CSMD1: variants seen among roughly 807,000 people sequenced by gnomAD.
CSMD1 encodes the protein CUB and sushi domain-containing protein 1.
In CSMD1, 213 loss-of-function variants were observed where a neutral mutation model predicts 417.5. That is an observed-to-expected ratio of 0.51 (90% confidence interval 0.46 to 0.57). The LOEUF (loss-of-function observed/expected upper bound fraction) is 0.57. Among genes scored for constraint, CSMD1 ranks in the 20% least tolerant of loss-of-function variants. The pLI is 0.00. For missense variants in CSMD1, 6,923 were observed against 4,529.7 expected, an observed-to-expected ratio of 1.53 and a Z score of -15.17; for synonymous variants, 2,862 against 1,736.8, an observed-to-expected ratio of 1.65 and a Z score of -16.11.
chr8:3,850,006 T>TTGGCCAC (rs1563143285), intron 5 of CSMD1, among the ~76,000 whole-genome samples: 3 of 151,624 alleles, frequency 2.0e-5, no homozygotes, highest in African/African-American at 7.3e-5. Flanking sequence ...AGTTTCACGA[T>TTGGCCAC]GTTGGTCTCA....
intron 7 of CSMD1, among the ~76,000 whole-genome samples, chr8:3,627,751 G>A (rs557404883): frequency 2.0e-5 from 3 of 152,244 alleles, no homozygotes; most frequent in African/African-American, 7.2e-5. Context: ...TTATTACTTT[G>A]CTGAAGAAAT....
chr8:3,935,303 C>G (rs529073143), intron 5 of CSMD1, among the ~76,000 whole-genome samples: 4 of 152,192 alleles, frequency 2.6e-5, no homozygotes, highest in African/African-American at 9.7e-5. Flanking sequence ...CACTCCATAT[C>G]AGCATGAAAC....
rs544239527 is a variant in CSMD1, at chr8:4,657,524, A to C, written c.86-19966T>G. On this transcript the variant is annotated intron_variant, in intron 1 of 69. Transcript: ENST00000635120. The stretch of plus-strand genomic sequence containing the variant: ...GGGACAAAGGCTTCAAAGAACAAAC[A>C]TAGAAAAGAATATAAACCTTATAAA... 3.6e-3 allele frequency among the ~76,000 whole-genome samples: 550 copies of C among 152,316 alleles called. 4 individuals are homozygous for C. The highest frequency in any genetic ancestry group is 0.013 in the African/African-American group (520 of 41,572).
intron 5 of CSMD1, among the ~76,000 whole-genome samples, chr8:3,833,406 A>G (rs1802482980): frequency 1.3e-5 from 2 of 152,066 alleles, no homozygotes; most frequent in South Asian, 4.1e-4. Flanking sequence ...AACTCCTTTT[A>G]TATTTTAATT....
chr8:4,465,119 T>A (rs1159107493), intron 2 of CSMD1, among the ~76,000 whole-genome samples: 2 of 152,172 alleles, frequency 1.3e-5, no homozygotes, highest in Non-Finnish European at 2.9e-5. Context: ...ACAGTTAATT[T>A]TCCCATCTAA....
At chr8:4,711,599 G>C (rs1296118388) in intron 1 of CSMD1, among the ~76,000 whole-genome samples, 2 of 151,962 alleles carry the variant, frequency 1.3e-5, no homozygotes, top group Non-Finnish European at 2.9e-5. Flanking sequence ...TACTAAATTA[G>C]AAATATAGTC....
intron 4 of CSMD1, among the ~76,000 whole-genome samples, chr8:4,009,111 T>A: frequency 6.6e-6 from 1 of 152,198 alleles, no homozygotes; most frequent in East Asian, 1.9e-4. Context: ...AAAAAATGGT[T>A]GAACACCACT....
intron 5 of CSMD1, among the ~76,000 whole-genome samples, chr8:3,853,411 C>A (rs182071648): frequency 2.8e-4 from 43 of 152,232 alleles, no homozygotes; most frequent in African/African-American, 9.9e-4. Context: ...CTATAATTTA[C>A]TTTAAAAATG....
chr8:3,294,758 C>T (rs894025271), intron 25 of CSMD1, among the ~76,000 whole-genome samples: 2 of 152,174 alleles, frequency 1.3e-5, no homozygotes. Context: ...AATTCCCTGA[C>T]CCCTTGCACT....
chr8:4,556,851 A>G (rs1413951565), intron 2 of CSMD1, among the ~76,000 whole-genome samples: 1 of 152,188 alleles, frequency 6.6e-6, no homozygotes, highest in Non-Finnish European at 1.5e-5. Context: ...TGGGATGTGT[A>G]ACTAATACGT....
intron 1 of CSMD1, among the ~76,000 whole-genome samples, chr8:4,872,797 C>A (rs867554279): frequency 1.3e-5 from 2 of 152,146 alleles, no homozygotes; most frequent in Non-Finnish European, 1.5e-5. Context: ...TGTGATCAAA[C>A]CTTCTGTGTT....
intron 5 of CSMD1, among the ~76,000 whole-genome samples, chr8:3,887,486 C>T (rs1563179502): frequency 6.6e-6 from 1 of 152,196 alleles, no homozygotes; most frequent in Non-Finnish European, 1.5e-5. Flanking sequence ...CAGTTCTCAC[C>T]TCTGGCTGAA....
At position 3,163,414 on chromosome 8, in the gene CSMD1, GA is replaced by G. The variant is rs77591108; in HGVS notation, c.5726-1138del. On this transcript the variant is annotated intron_variant, in intron 37 of 69. Coordinates refer to ENST00000635120, the MANE Select transcript of CSMD1 (RefSeq NM_033225.6). Reference sequence around the variant, plus strand: ...GAGTAGGACTTTAGTTAATCAGAAGGAAAAAAAAAAAAACAGCAGGAGAACA... The same window carrying G: ...GAGTAGGACTTTAGTTAATCAGAAGGAAAAAAAAAAAACAGCAGGAGAACA... 7.4e-3 allele frequency among the ~76,000 whole-genome samples: 1,010 copies of G among 136,262 alleles called. 9 individuals carry two copies. Among genetic ancestry groups the G allele is most frequent in the African/African-American group, 0.023 (873 of 37,346 alleles). 89.4% of individuals were successfully genotyped at this position (136,262 alleles called of 152,430 possible).
chr8:3,552,079 G>T (rs1051075318), intron 10 of CSMD1, among the ~76,000 whole-genome samples: 2 of 152,188 alleles, frequency 1.3e-5, no homozygotes, highest in African/African-American at 4.8e-5. Context: ...AAAACAAATG[G>T]TAAAATTCTT....
chr8:3,984,617 G>T (rs1390858683), intron 5 of CSMD1, among the ~76,000 whole-genome samples: 3 of 148,292 alleles, frequency 2.0e-5, no homozygotes, highest in Non-Finnish European at 3.0e-5. Flanking sequence ...TACAGCTAGG[G>T]GTTTCATTTG....
intron 46 of CSMD1, among the ~76,000 whole-genome samples, chr8:3,105,050 CT>C (rs755803317): frequency 1.3e-5 from 2 of 152,216 alleles, no homozygotes; most frequent in Non-Finnish European, 2.9e-5. Flanking sequence ...GTGTGAGCAT[CT>C]GCAAAACCAC....
At chr8:4,019,511 T>G (rs1330464777) in intron 4 of CSMD1, among the ~76,000 whole-genome samples, 1 of 152,172 alleles carries the variant, frequency 6.6e-6, no homozygotes, top group South Asian at 2.1e-4. Context: ...GAATGTGAAG[T>G]TTGGTGGTTA....
chr8:4,841,680 G>A (rs905779500), intron 1 of CSMD1, among the ~76,000 whole-genome samples: 11 of 152,052 alleles, frequency 7.2e-5, no homozygotes, highest in African/African-American at 2.2e-4. Flanking sequence ...GGAGGCTGAG[G>A]CAGGCGGATC....
At chr8:3,909,366 C>G (rs1306028720) in intron 5 of CSMD1, among the ~76,000 whole-genome samples, 1 of 152,084 alleles carries the variant, frequency 6.6e-6, no homozygotes, top group Non-Finnish European at 1.5e-5. Flanking sequence ...GACTCACATT[C>G]GTCAGGAGGA....
Sources: gnomAD v4.1 joint callset for allele counts (sites outside exome capture counted in the v4.1 genomes callset) on GRCh38, gnomAD v4.1.1 for gene constraint, MANE v1.5 for transcripts, NCBI Gene and HGNC (gene_info 2026-07-23, HGNC 2026-07-21) for gene names.